Variants in UGT1A10 observed in about 807,000 individuals in gnomAD.
The protein encoded by UGT1A10 is UDP glucuronosyltransferase family 1 member A10, also known as UDP-glucuronosyltransferase 1A10.
A neutral mutation model predicts 45.8 loss-of-function variants in UGT1A10; 49 were observed. The observed-to-expected ratio is 1.07, with a 90% confidence interval of 0.85 to 1.36. UGT1A10 has a LOEUF of 1.36. Among genes scored for constraint, UGT1A10 ranks in the 40% most tolerant of loss-of-function variants. The probability of loss-of-function intolerance (pLI) is 0.00; values close to 1 mark genes in which losing one functional copy is unlikely to be tolerated. For missense variants in UGT1A10, 745 were observed against 668.6 expected (o/e 1.11, Z -1.26); for synonymous variants, 284 against 249.7 (o/e 1.14, Z -1.29).
intron 1 of UGT1A10, among the ~76,000 whole-genome samples, chr2:233,758,825 C>CA: frequency 6.6e-6 from 1 of 152,232 alleles, no homozygotes. Flanking sequence ...ATATCCCCCC[C>CA]AAAAAGAGTG....
chr2:233,682,265 A>G, intron 1 of UGT1A10: 1 of 1,614,180 alleles, frequency 6.2e-7, no homozygotes. Flanking sequence ...TTCTCTATTA[A>G]CAAGTTCATC....
At chr2:233,721,989 A>C (rs2076985463) in intron 1 of UGT1A10, 1 of 271,622 alleles carries the variant, frequency 3.7e-6, no homozygotes, top group Non-Finnish European at 7.4e-6. Context: ...TAGTTTCACG[A>C]ATGTCCTTTA....
chr2:233,763,255 TTTGTC>T (rs2126002913), intron 1 of UGT1A10, among the ~76,000 whole-genome samples: 2 of 152,364 alleles, frequency 1.3e-5, no homozygotes, highest in Non-Finnish European at 2.9e-5. Context: ...AGTAACCTGT[TTTGTC>T]TTGTTGCATG....
chr2:233,637,667 C>G (rs181922328), intron 1 of UGT1A10, among the ~76,000 whole-genome samples: 1 of 152,024 alleles, frequency 6.6e-6, no homozygotes. Flanking sequence ...ATGAAACTTC[C>G]GTTTTTTGTT....
intron 1 of UGT1A10, among the ~76,000 whole-genome samples, chr2:233,650,034 G>A (rs1292886640): frequency 2.6e-5 from 4 of 152,076 alleles, no homozygotes; most frequent in South Asian, 2.1e-4. Context: ...GCAATGGTGC[G>A]ATCTTGGCTC....
intron 1 of UGT1A10, among the ~76,000 whole-genome samples, chr2:233,650,510 G>A (rs1428021753): frequency 6.6e-6 from 1 of 152,174 alleles, no homozygotes; most frequent in Non-Finnish European, 1.5e-5. Flanking sequence ...TTGCAAATTG[G>A]TATGGATGGT....
At chr2:233,681,967 T>A (rs1390610416) in intron 1 of UGT1A10, 6 of 1,614,002 alleles carry the variant, frequency 3.7e-6, no homozygotes, top group Admixed American at 1.7e-5. Context: ...CTGGCCTCCT[T>A]CCCCTATATG....
chr2:233,772,230 T>C (rs1167373810), intron 4 of UGT1A10, 32 bp from the exon 5 acceptor site: 1 of 1,613,798 alleles, frequency 6.2e-7, no homozygotes. Flanking sequence ...CCACAGGTGT[T>C]CCAGGCATAA....
At chr2:233,766,708 C>G (rs538087868) in intron 1 of UGT1A10, among the ~76,000 whole-genome samples, 1 of 152,196 alleles carries the variant, frequency 6.6e-6, no homozygotes, top group East Asian at 1.9e-4. Context: ...GCTCTGTGTT[C>G]TCTAAGTGGA....
intron 1 of UGT1A10, among the ~76,000 whole-genome samples, chr2:233,665,278 T>G (rs1219252271): frequency 6.6e-6 from 1 of 152,240 alleles, no homozygotes; most frequent in East Asian, 1.9e-4. Context: ...TTAATATTGA[T>G]ATAGATTTAG....
intron 1 of UGT1A10, chr2:233,743,758 G>A (rs761738753): frequency 1.5e-6 from 2 of 1,367,328 alleles, no homozygotes; most frequent in South Asian, 2.3e-5. Context: ...ACAACACCTC[G>A]TAGGCCTCGG....
intron 1 of UGT1A10, chr2:233,692,960 G>A: frequency 1.2e-6 from 2 of 1,608,304 alleles, no homozygotes; most frequent in Non-Finnish European, 1.7e-6. Flanking sequence ...GTGATTTGGA[G>A]AGTGAAAACT....
intron 1 of UGT1A10, among the ~76,000 whole-genome samples, chr2:233,761,771 C>A (rs1035405620): frequency 6.6e-6 from 1 of 152,236 alleles, no homozygotes; most frequent in East Asian, 1.9e-4. Context: ...GTAGCATTCA[C>A]ATCCTCATCG....
chr2:233,729,531 G>A (rs757870746), intron 1 of UGT1A10: 11 of 1,614,140 alleles, frequency 6.8e-6, no homozygotes, highest in Non-Finnish European at 9.3e-6. Context: ...TACATAATGA[G>A]GCCCTGATCA....
chr2:233,727,417 C>T (rs2077614364), intron 1 of UGT1A10, among the ~76,000 whole-genome samples: 1 of 152,144 alleles, frequency 6.6e-6, no homozygotes, highest in Non-Finnish European at 1.5e-5. Flanking sequence ...TCCTCAGGGT[C>T]TGGGAGTCCC....
At chr2:233,731,048 G>A (rs1354846386) in intron 1 of UGT1A10, among the ~76,000 whole-genome samples, 4 of 152,194 alleles carry the variant, frequency 2.6e-5, no homozygotes, top group African/African-American at 9.7e-5. Context: ...TTCACCGAAT[G>A]TGTATGAACT....
At chr2:233,658,670 C>T (rs1416219934) in intron 1 of UGT1A10, among the ~76,000 whole-genome samples, 1 of 152,144 alleles carries the variant, frequency 6.6e-6, no homozygotes, top group Non-Finnish European at 1.5e-5. Flanking sequence ...GAAGTAAGAC[C>T]ACAAAGGTAA....
At chr2:233,730,125 A>G (rs2077990033) in intron 1 of UGT1A10, 5 of 1,544,888 alleles carry the variant, frequency 3.2e-6, no homozygotes, top group Non-Finnish European at 4.4e-6. Flanking sequence ...TTGTCATAAT[A>G]GCCTTCAGTG....
At chr2:233,668,068 T>TA (rs397800883) in intron 1 of UGT1A10, among the ~76,000 whole-genome samples, 7 of 152,000 alleles carry the variant, frequency 4.6e-5, no homozygotes, top group Middle Eastern at 3.4e-3. Context: ...CATTTTTTTT[T>TA]ATTATACTTT....
Sources: gnomAD v4.1 joint callset for allele counts (sites outside exome capture counted in the v4.1 genomes callset) on GRCh38, gnomAD v4.1.1 for gene constraint, MANE v1.5 for transcripts, NCBI Gene and HGNC (gene_info 2026-07-23, HGNC 2026-07-21) for gene names.